Variants in UBE2D2 observed in about 807,000 individuals in gnomAD.
The protein encoded by UBE2D2 is ubiquitin-conjugating enzyme E2 D2.
Under a neutral mutation model 24.2 loss-of-function variants are expected in UBE2D2, and 2 were observed. That is an observed-to-expected ratio of 0.08 (90% CI 0.03 to 0.26). UBE2D2 has a LOEUF of 0.26. Ranked by LOEUF, UBE2D2 falls within the 10% of genes least tolerant of loss-of-function variation. The pLI is 1.00. For missense variants in UBE2D2, 44 were observed against 177.6 expected, an observed-to-expected ratio of 0.25 and a Z score of 4.28; for synonymous variants, 58 against 56.5, an observed-to-expected ratio of 1.03 and a Z score of -0.12.
intron 1 of UBE2D2, among the ~76,000 whole-genome samples, chr5:139,595,726 T>A (rs1458825710): frequency 2.0e-5 from 3 of 151,954 alleles, no homozygotes; most frequent in Middle Eastern, 3.2e-3. Flanking sequence ...AAAAAGAAAA[T>A]TTTAAAGGGT....
intron 1 of UBE2D2, among the ~76,000 whole-genome samples, chr5:139,554,183 T>G (rs1481171586): frequency 6.6e-6 from 1 of 152,180 alleles, no homozygotes; most frequent in East Asian, 1.9e-4. Flanking sequence ...GATCGCATTT[T>G]TTTTTTAAAG....
intron 1 of UBE2D2, among the ~76,000 whole-genome samples, chr5:139,529,247 C>A (rs1030269565): frequency 1.3e-5 from 2 of 152,148 alleles, no homozygotes; most frequent in African/African-American, 4.8e-5. Context: ...CCCCTCTGAA[C>A]CTCCCAAGAT....
chr5:139,601,445 A>G (rs1439126301), intron 2 of UBE2D2, among the ~76,000 whole-genome samples: 2 of 152,136 alleles, frequency 1.3e-5, no homozygotes, highest in African/African-American at 2.4e-5. Flanking sequence ...CTCTACAAAA[A>G]ACACACAAAA....
At chr5:139,530,644 T>G (rs1212219872) in intron 1 of UBE2D2, among the ~76,000 whole-genome samples, 1 of 152,196 alleles carries the variant, frequency 6.6e-6, no homozygotes, top group Non-Finnish European at 1.5e-5. Flanking sequence ...AATAGAATAG[T>G]TCTTGACAAC....
Position 139,598,616 on chromosome 5 carries a change from A to C in UBE2D2, c.25-1756A>C, listed in dbSNP as rs1754007272. On this transcript the variant is annotated intron_variant, in intron 1 of 6. Transcript: ENST00000398733. ...CCCTCTGTCACCCAGGCTGGAGTGC[A>C]GTGGCATGATCTCGGCTCACTGCAA... is the stretch of plus-strand genomic sequence containing the variant. 3.9e-5 allele frequency among the ~76,000 whole-genome samples: 5 copies of C among 129,170 alleles called. 1 individual carries two copies. Among genetic ancestry groups the C allele is most frequent in the Admixed American group, 2.9e-4 (3 of 10,402 alleles). 84.7% of individuals were successfully genotyped at this position (129,170 alleles called of 152,430 possible).
chr5:139,535,314 T>G (rs571326289), intron 1 of UBE2D2, among the ~76,000 whole-genome samples: 1 of 145,124 alleles, frequency 6.9e-6, no homozygotes, highest in African/African-American at 2.6e-5. Flanking sequence ...AAAAGAGACT[T>G]GCATGGTGGC....
At chr5:139,556,952 A>C (rs1455853770), upstream of UBE2D2, among the ~76,000 whole-genome samples, 1 of 149,736 alleles carries the variant, frequency 6.7e-6, no homozygotes, top group Non-Finnish European at 1.5e-5. Context: ...CTCCTGCCTC[A>C]GCCTCCTGAG....
At position 139,622,507 on chromosome 5, in the gene UBE2D2, T is replaced by C. The variant is rs187265048; in HGVS notation, c.305-861T>C. 8.4e-3 allele frequency among the ~76,000 whole-genome samples: 1,256 copies of C among 150,322 alleles called. 6 individuals are homozygous for C. The highest frequency in any genetic ancestry group is 0.014 in the Non-Finnish European group (975 of 67,570). ...ATCCACCCCCCTCCGCCTCCCAAAGTGCTGGGATTACAGGCATGAGCCACT... is the reference window on the plus strand; with the variant it reads ...ATCCACCCCCCTCCGCCTCCCAAAGCGCTGGGATTACAGGCATGAGCCACT... On this transcript the variant is annotated intron_variant, in intron 5 of 6. Coordinates refer to ENST00000398733, the MANE Select transcript of UBE2D2 (RefSeq NM_003339.3).
intron 1 of UBE2D2, among the ~76,000 whole-genome samples, chr5:139,587,758 T>C (rs573403905): frequency 1.4e-5 from 2 of 148,056 alleles, no homozygotes; most frequent in Admixed American, 6.7e-5. Flanking sequence ...AGAGCTCCCA[T>C]ACAAAGGGAG....
chr5:139,559,213 T>C (rs1412384896), upstream of UBE2D2, among the ~76,000 whole-genome samples: 7 of 151,830 alleles, frequency 4.6e-5, no homozygotes, highest in South Asian at 4.1e-4. Context: ...GATCACGAGG[T>C]CAGGAGATTG....
intron 5 of UBE2D2, among the ~76,000 whole-genome samples, chr5:139,618,482 C>T (rs1192505984): frequency 6.6e-6 from 1 of 152,120 alleles, no homozygotes; most frequent in African/African-American, 2.4e-5. Context: ...TGTTTGTGGA[C>T]CTGTGCCTGG....
chr5:139,626,654 T>A, intron 6 of UBE2D2, 102 bp from the exon 7 acceptor site: 1 of 946,732 alleles, frequency 1.1e-6, no homozygotes, highest in Non-Finnish European at 1.7e-6. Flanking sequence ...TTGAATGTCC[T>A]ATAAGCTACT....
intron 1 of UBE2D2, among the ~76,000 whole-genome samples, chr5:139,574,433 C>T (rs1753424596): frequency 6.6e-6 from 1 of 151,880 alleles, no homozygotes; most frequent in African/African-American, 2.4e-5. Context: ...GGTCTTTGTT[C>T]AGTGCCTTTG....
intron 1 of UBE2D2, among the ~76,000 whole-genome samples, chr5:139,536,547 A>G (rs1469513951): frequency 6.6e-6 from 1 of 152,076 alleles, no homozygotes; most frequent in Non-Finnish European, 1.5e-5. Context: ...GTATTTTAGT[A>G]GAGACGCCCT....
At chr5:139,568,455 C>G (rs1202361900) in intron 1 of UBE2D2, among the ~76,000 whole-genome samples, 3 of 151,538 alleles carry the variant, frequency 2.0e-5, no homozygotes, top group Admixed American at 2.0e-4. Flanking sequence ...GTCAGGAAAT[C>G]GAGACCATCC....
intron 1 of UBE2D2, among the ~76,000 whole-genome samples, chr5:139,592,596 C>CTTTT (rs34558950): frequency 1.3e-4 from 14 of 104,892 alleles, no homozygotes; most frequent in Middle Eastern, 6.4e-3. Flanking sequence ...GTTCAGTAAT[C>CTTTT]TTTTTTTTTT....
At chr5:139,553,769 A>G (rs952425997) in intron 1 of UBE2D2, among the ~76,000 whole-genome samples, 3 of 152,004 alleles carry the variant, frequency 2.0e-5, no homozygotes, top group Admixed American at 1.3e-4. Context: ...TGGTTCCATG[A>G]GTTATTTATT....
At chr5:139,581,124 G>A (rs1406193738) in intron 1 of UBE2D2, among the ~76,000 whole-genome samples, 1 of 152,128 alleles carries the variant, frequency 6.6e-6, no homozygotes, top group Non-Finnish European at 1.5e-5. Context: ...TGTTCCTATA[G>A]TCCTGGAGTG....
At chr5:139,594,708 C>G (rs1222638760) in intron 1 of UBE2D2, among the ~76,000 whole-genome samples, 2 of 152,102 alleles carry the variant, frequency 1.3e-5, no homozygotes, top group African/African-American at 4.8e-5. Context: ...GCCACCGCAC[C>G]CGGTCAATAA....
Sources: gnomAD v4.1 joint callset for allele counts (sites outside exome capture counted in the v4.1 genomes callset) on GRCh38, gnomAD v4.1.1 for gene constraint, MANE v1.5 for transcripts, NCBI Gene and HGNC (gene_info 2026-07-23, HGNC 2026-07-21) for gene names.